AGMO: variants seen among roughly 807,000 people sequenced by gnomAD.
AGMO encodes alkylglycerol monooxygenase.
AGMO carries 75 observed loss-of-function variants against 60.2 expected under a neutral mutation model. The observed-to-expected ratio is 1.25, with a 90% CI of 1.03 to 1.51. AGMO has a LOEUF of 1.51. AGMO is among the 40% of genes most tolerant of loss of function. AGMO has a pLI of 0.00. For missense variants in AGMO, 763 were observed against 525.5 expected, an observed-to-expected ratio of 1.45 and a Z score of -4.42; for synonymous variants, 261 against 177.1, an observed-to-expected ratio of 1.47 and a Z score of -3.76.
At chr7:15,262,141 G>A (rs1009814645) in intron 12 of AGMO, among the ~76,000 whole-genome samples, 1 of 152,034 alleles carries the variant, frequency 6.6e-6, no homozygotes, top group East Asian at 1.9e-4. Flanking sequence ...AGAGCAATCA[G>A]ACAAGAGAAG....
At chr7:15,229,013 C>T (rs538357410) in intron 12 of AGMO, among the ~76,000 whole-genome samples, 1 of 152,188 alleles carries the variant, frequency 6.6e-6, no homozygotes, top group South Asian at 2.1e-4. Flanking sequence ...AGCTGAAACT[C>T]CTGCTGTCAG....
intron 3 of AGMO, among the ~76,000 whole-genome samples, chr7:15,499,775 A>C (rs2128524594): frequency 6.6e-6 from 1 of 151,904 alleles, no homozygotes; most frequent in South Asian, 2.1e-4. Context: ...TGATATACCC[A>C]AAAATGTGCA....
At chr7:15,394,767 G>C (rs1031806829) in intron 5 of AGMO, among the ~76,000 whole-genome samples, 2 of 152,112 alleles carry the variant, frequency 1.3e-5, no homozygotes, top group South Asian at 2.1e-4. Context: ...AGTAATCTAC[G>C]GCATTAGGGT....
chr7:15,149,666 G>T, the AGMO span, among the ~76,000 whole-genome samples: 3 of 152,002 alleles, frequency 2.0e-5, no homozygotes, highest in Non-Finnish European at 4.4e-5. Context: ...TGTTCTATTG[G>T]TCTATGTGTC....
At chr7:15,183,689 G>C in the AGMO span, among the ~76,000 whole-genome samples, 5 of 152,316 alleles carry the variant, frequency 3.3e-5, no homozygotes, top group East Asian at 9.6e-4. Flanking sequence ...ACTTAAGAGA[G>C]TCAATGTGAG....
chr7:15,500,949 C>T (rs1411730513), intron 3 of AGMO, among the ~76,000 whole-genome samples: 5 of 151,792 alleles, frequency 3.3e-5, no homozygotes, highest in Non-Finnish European at 7.4e-5. Context: ...TCATTATTTA[C>T]CCAAAAGAAG....
intron 2 of AGMO, among the ~76,000 whole-genome samples, chr7:15,549,428 T>C (rs62438964): frequency 2.0e-5 from 3 of 152,008 alleles, no homozygotes; most frequent in Admixed American, 6.6e-5. Flanking sequence ...ACCCATCTCA[T>C]GTGCAGAGAC....
chr7:15,401,267 T>C (rs919716417), intron 5 of AGMO, among the ~76,000 whole-genome samples: 1 of 152,156 alleles, frequency 6.6e-6, no homozygotes, highest in Non-Finnish European at 1.5e-5. Flanking sequence ...AATTATTTTA[T>C]ATACAATTAA....
chr7:15,236,757 A>T (rs185872783), intron 12 of AGMO, among the ~76,000 whole-genome samples: 3 of 152,148 alleles, frequency 2.0e-5, no homozygotes, highest in Admixed American at 2.0e-4. Context: ...AAAACAAACA[A>T]ACAAACCACA....
chr7:15,189,338 T>C, the AGMO span, among the ~76,000 whole-genome samples: 15 of 152,154 alleles, frequency 9.9e-5, no homozygotes, highest in Admixed American at 9.8e-4. Flanking sequence ...GTTTTTTTTT[T>C]CTTTTCCAGT....
chr7:15,195,764 G>T (rs908108212), downstream of AGMO, among the ~76,000 whole-genome samples: 2 of 152,078 alleles, frequency 1.3e-5, no homozygotes, highest in African/African-American at 4.8e-5. Flanking sequence ...TTCTTTAAAA[G>T]GAAAACCTTA....
chr7:15,494,669 T>C (rs1783174686), intron 3 of AGMO, among the ~76,000 whole-genome samples: 1 of 152,200 alleles, frequency 6.6e-6, no homozygotes, highest in South Asian at 2.1e-4. Context: ...GATAGTTATG[T>C]CAATAAATGG....
intron 5 of AGMO, among the ~76,000 whole-genome samples, chr7:15,408,549 G>A (rs1562492595): frequency 6.6e-6 from 1 of 151,812 alleles, no homozygotes; most frequent in East Asian, 1.9e-4. Context: ...AAGAGTGAAT[G>A]GCTGTGTTAT....
At chr7:15,551,379 TC>T (rs1245328961) in intron 2 of AGMO, among the ~76,000 whole-genome samples, 4 of 149,594 alleles carry the variant, frequency 2.7e-5, no homozygotes, top group Non-Finnish European at 4.5e-5. Context: ...AGTCAAATTG[TC>T]CCTGTTTGCA....
chr7:15,354,401 T>TATATATAC (rs1268592267), intron 12 of AGMO, among the ~76,000 whole-genome samples: 1,164 of 34,356 alleles, frequency 0.034, 160 homozygotes, highest in Admixed American at 0.045. Flanking sequence ...TATACACGTG[T>TATATATAC]GTGTACACAC....
chr7:15,522,239 A>C (rs1484709388), intron 3 of AGMO, among the ~76,000 whole-genome samples: 1 of 152,226 alleles, frequency 6.6e-6, no homozygotes, highest in African/African-American at 2.4e-5. Flanking sequence ...GCTCATGGAT[A>C]GGACGAATCA....
the AGMO span, among the ~76,000 whole-genome samples, chr7:15,191,828 C>T: frequency 6.6e-6 from 1 of 152,086 alleles, no homozygotes; most frequent in Non-Finnish European, 1.5e-5. Flanking sequence ...AGCCTAGACA[C>T]ATCAAGCAGT....
chr7:15,257,511 G>C (rs936752764), intron 12 of AGMO, among the ~76,000 whole-genome samples: 6 of 152,100 alleles, frequency 3.9e-5, no homozygotes, highest in African/African-American at 1.4e-4. Context: ...TTTCCTAATT[G>C]TAAATATAAA....
At chr7:15,135,407 T>C in the AGMO span, among the ~76,000 whole-genome samples, 1 of 152,146 alleles carries the variant, frequency 6.6e-6, no homozygotes, top group Non-Finnish European at 1.5e-5. Flanking sequence ...CAGTGACTTC[T>C]CTTCATGACT....
Sources: gnomAD v4.1 joint callset for allele counts (sites outside exome capture counted in the v4.1 genomes callset) on GRCh38, gnomAD v4.1.1 for gene constraint, MANE v1.5 for transcripts, NCBI Gene and HGNC (gene_info 2026-07-23, HGNC 2026-07-21) for gene names.